Variants in ANO10 observed in about 807,000 individuals in gnomAD.
The protein encoded by ANO10 is anoctamin-10.
A neutral mutation model predicts 74.7 loss-of-function variants in ANO10; 77 were observed. The ratio of observed to expected loss-of-function variants is 1.03; its 90% CI spans 0.86 to 1.25. The LOEUF (loss-of-function observed/expected upper bound fraction) is 1.25, where lower values mean the gene tolerates loss of function less well. ANO10 is among the 50% of genes most tolerant of loss of function. The pLI, the probability that ANO10 is intolerant of heterozygous loss-of-function variation, is 0.00. For synonymous variants in ANO10, 279 were observed against 284.9 expected (o/e 0.98, Z 0.21); for missense variants, 721 against 778.1 (o/e 0.93, Z 0.87).
chr3:43,576,939 G>A lies in ANO10; in HGVS notation c.915C>T (p.Tyr305=), dbSNP rs1186190371. ...NSITGKEEPL[Y]PSYKRQLRIY... is the part of the protein sequence containing the mutation. ...TGCGCAACTGTCTCTTGTAGCTGGG[G>A]TACAGAGGCTCCTCCTTCCCAGTGA... The change falls in exon 6 of 13, where the codon TAC becomes TAT. Residue 305 remains tyrosine, a synonymous_variant. Coordinates refer to ENST00000292246, the MANE Select transcript of ANO10 (RefSeq NM_018075.5). 7 of 1,614,030 alleles carry A rather than the reference G, an allele frequency of 4.3e-6. No individual in the cohort carries two copies.
chr3:43,432,875 G>A, intron 11 of ANO10, 148 bp from the exon 12 acceptor site: 1 of 606,874 alleles, frequency 1.6e-6, no homozygotes, highest in Non-Finnish European at 3.0e-6. Context: ...GACCAAGCAG[G>A]CCCATGAGTT....
chr3:43,543,466 T>G (rs1309192371), intron 11 of ANO10, among the ~76,000 whole-genome samples: 2 of 152,230 alleles, frequency 1.3e-5, no homozygotes, highest in Non-Finnish European at 2.9e-5. Context: ...CTCAGCTCAC[T>G]GCAAGCTCTG....
chr3:43,443,971 T>C (rs1370026243), intron 11 of ANO10, among the ~76,000 whole-genome samples: 1 of 152,126 alleles, frequency 6.6e-6, no homozygotes, highest in Non-Finnish European at 1.5e-5. Flanking sequence ...CATGAGTCAC[T>C]GCACCCGGAT....
chr3:43,462,002 G>T (rs1235684392), intron 11 of ANO10, among the ~76,000 whole-genome samples: 1 of 152,182 alleles, frequency 6.6e-6, no homozygotes, highest in Non-Finnish European at 1.5e-5. Flanking sequence ...GAACAATAAG[G>T]TCTAGGCTGA....
intron 1 of ANO10, among the ~76,000 whole-genome samples, chr3:43,678,540 C>T (rs1330049139): frequency 6.6e-6 from 1 of 152,214 alleles, no homozygotes; most frequent in Non-Finnish European, 1.5e-5. Context: ...ATTCTGATTA[C>T]CGGTGCATGC....
intron 1 of ANO10, among the ~76,000 whole-genome samples, chr3:43,657,746 A>C (rs545846175): frequency 9.9e-5 from 15 of 152,124 alleles, no homozygotes; most frequent in African/African-American, 3.6e-4. Flanking sequence ...GTCACCCCTG[A>C]TATCCTTCAG....
chr3:43,501,093 G>T (rs918576459), intron 11 of ANO10, among the ~76,000 whole-genome samples: 3 of 152,212 alleles, frequency 2.0e-5, no homozygotes, highest in Non-Finnish European at 4.4e-5. Context: ...ATAAAGAAAA[G>T]AGGTTTATTT....
intron 1 of ANO10, among the ~76,000 whole-genome samples, chr3:43,638,509 T>C (rs534827334): frequency 6.6e-6 from 1 of 152,350 alleles, no homozygotes; most frequent in African/African-American, 2.4e-5. Context: ...TGGGATATTG[T>C]GACAAATCTT....
In ANO10 at chr3:43,485,302, G is replaced by A. The variant is rs2076432858; in HGVS notation, c.1798-52575C>T. On this transcript the variant is annotated intron_variant, in intron 11 of 12. Transcript: ENST00000292246. ...TTGCCACCGTCGCAGACCCGCTGCT[G>A]ACTTCCATACCTCCGGATCCGACAG... 4 of 572,470 alleles carry A rather than the reference G, an allele frequency of 7.0e-6. No homozygotes were observed. The South Asian group carries it at 7.5e-5, about 11-fold the overall frequency. 35.5% of individuals were successfully genotyped at this position (572,470 alleles called of 1,614,324 possible).
chr3:43,556,738 G>A (rs1294394520), intron 9 of ANO10, among the ~76,000 whole-genome samples: 1 of 152,106 alleles, frequency 6.6e-6, no homozygotes, highest in Non-Finnish European at 1.5e-5. Context: ...CTGATAAAAT[G>A]TTATTTACTA....
chr3:43,656,500 G>A (rs1488239183), intron 1 of ANO10, among the ~76,000 whole-genome samples: 4 of 152,212 alleles, frequency 2.6e-5, no homozygotes, highest in South Asian at 2.1e-4. Flanking sequence ...GGGGAGGCTC[G>A]GGCCGCACAG....
At chr3:43,391,532 C>G (rs936602976) in intron 12 of ANO10, among the ~76,000 whole-genome samples, 3 of 152,174 alleles carry the variant, frequency 2.0e-5, no homozygotes, top group Admixed American at 1.3e-4. Context: ...TTGTGGAATC[C>G]CCTACTCTTG....
chr3:43,420,471 C>T (rs562123770), intron 12 of ANO10, among the ~76,000 whole-genome samples: 7 of 148,644 alleles, frequency 4.7e-5, no homozygotes, highest in East Asian at 3.9e-4. Flanking sequence ...AAAAGAAAAA[C>T]AAAAACAAAA....
chr3:43,500,058 G>A (rs951825193), intron 11 of ANO10, among the ~76,000 whole-genome samples: 1 of 151,972 alleles, frequency 6.6e-6, no homozygotes, highest in African/African-American at 2.4e-5. Flanking sequence ...TGTTGGCCGG[G>A]CTGCTCTTGA....
chr3:43,450,318 AAG>A (rs1221060459), intron 11 of ANO10, among the ~76,000 whole-genome samples: 1 of 152,176 alleles, frequency 6.6e-6, no homozygotes, highest in Non-Finnish European at 1.5e-5. Flanking sequence ...AGGTGGGCAG[AAG>A]ACCTGAGGTC....
At position 43,569,421 on chromosome 3, in the gene ANO10, G is replaced by T. The variant is rs1559717307; in HGVS notation, c.1219-3694C>A. Among the ~76,000 whole-genome samples, 10 of 134,142 alleles carry T rather than the reference G, an allele frequency of 7.5e-5. 1 individual carries two copies. In the South Asian group the frequency reaches 2.7e-3, roughly 36 times the overall value. 88.0% of individuals were successfully genotyped at this position (134,142 alleles called of 152,430 possible). On this transcript the variant is annotated intron_variant, in intron 7 of 12. Coordinates refer to ENST00000292246, the MANE Select transcript of ANO10 (RefSeq NM_018075.5). ...TAGACCAATATCCTTGATGAACATT[G>T]ATGCAAAAATCCTCAATAAAATACT...
chr3:43,550,347 T>C (rs2079400661), intron 10 of ANO10, among the ~76,000 whole-genome samples: 1 of 152,318 alleles, frequency 6.6e-6, no homozygotes, highest in South Asian at 2.1e-4. Flanking sequence ...ATTTAGCAAA[T>C]CAAATGTAGA....
At chr3:43,556,041 AG>A (rs1250347135) in intron 9 of ANO10, among the ~76,000 whole-genome samples, 1 of 152,202 alleles carries the variant, frequency 6.6e-6, no homozygotes, top group Non-Finnish European at 1.5e-5. Context: ...TTGGGATTCA[AG>A]GGCGAGCAGT....
At chr3:43,557,517 C>CCT (rs1325091795) in intron 9 of ANO10, among the ~76,000 whole-genome samples, 2 of 151,700 alleles carry the variant, frequency 1.3e-5, no homozygotes, top group Admixed American at 6.6e-5. Flanking sequence ...GGGTGGATCA[C>CCT]GAGGTCAGGA....
Sources: allele counts gnomAD v4.1 joint callset (sites outside exome capture counted in the v4.1 genomes callset), GRCh38; gene constraint gnomAD v4.1.1; transcripts MANE v1.5; gene names NCBI Gene and HGNC (gene_info 2026-07-23, HGNC 2026-07-21).